MAP3K4: variants seen among roughly 807,000 people sequenced by gnomAD.
MAP3K4 encodes the protein mitogen-activated protein kinase kinase kinase 4.
Under a neutral mutation model 185.6 loss-of-function variants are expected in MAP3K4, and 67 were observed. The observed-to-expected ratio is 0.36, with a 90% confidence interval of 0.30 to 0.44. MAP3K4 has a LOEUF of 0.44. Among genes scored for constraint, MAP3K4 ranks in the 20% least tolerant of loss-of-function variants. The pLI is 1.00. For synonymous variants in MAP3K4, 702 were observed against 710.4 expected, an observed-to-expected ratio of 0.99 and a Z score of 0.19; for missense variants, 1,551 against 1,995.1, an observed-to-expected ratio of 0.78 and a Z score of 4.24.
intron 1 of MAP3K4, among the ~76,000 whole-genome samples, chr6:161,002,913 T>G (rs1044877991): frequency 3.3e-5 from 5 of 152,064 alleles, no homozygotes; most frequent in Non-Finnish European, 5.9e-5. Flanking sequence ...TTCTGTGTAT[T>G]TTTTTTATAC....
In MAP3K4 at chr6:161,049,636, A is replaced by G. The variant is rs754257637; in HGVS notation, c.1364A>G (p.Glu455Gly). ...ACAGAAGGAGAATTAAAGGAGTTGG[A>G]AAGTAGTACGGATGAGAGTGAAGAA... ...DDTEGELKEL[E>G]SSTDESEEEQ... Residue 455 changes from glutamate to glycine, a missense_variant, in exon 3 of 27, where the codon GAA (glutamate) becomes GGA (glycine). Transcript: ENST00000392142. This position sits in a 1 kb window ranked among gnomAD's most constrained non-coding sequence, Gnocchi z 8.4. 3 of 1,614,184 alleles carry G rather than the reference A, an allele frequency of 1.9e-6. No individual in the cohort carries two copies. The South Asian group carries it at 3.3e-5, about 18-fold the overall frequency.
At position 161,022,542 on chromosome 6, in the gene MAP3K4, A is replaced by G. The variant is rs1481117920; in HGVS notation, c.153-11717A>G. ...CTCTCTCATGCTATGCTCTCTCTCC[A>G]CCTGGAGGGACTTTGTCCCACAGGA... On this transcript the variant is annotated intron_variant, in intron 1 of 26. Coordinates refer to ENST00000392142, the MANE Select transcript of MAP3K4 (RefSeq NM_005922.4). The surrounding 1 kb of genome is among the most constrained non-coding windows in gnomAD (Gnocchi z 4.2). Among the ~76,000 whole-genome samples the G allele has an allele frequency of 2.0e-5, 3 of 152,162 alleles. No individual in the cohort carries two copies. The South Asian group carries it at 6.2e-4, about 31-fold the overall frequency.
rs1784015293 is a variant in MAP3K4, at chr6:161,051,819, A to G, written c.1707+1840A>G. Among the ~76,000 whole-genome samples, 2 of 152,154 alleles carry G rather than the reference A, an allele frequency of 1.3e-5. No individual in the cohort carries two copies. The highest frequency in any genetic ancestry group is 2.4e-5 in the African/African-American group (1 of 41,422). On this transcript the variant is annotated intron_variant, in intron 3 of 26. Coordinates refer to ENST00000392142, the MANE Select transcript of MAP3K4 (RefSeq NM_005922.4). This position sits in a 1 kb window ranked among gnomAD's most constrained non-coding sequence, Gnocchi z 4.2. ...CTAATACAATGTAAATGCTGTGTAAATAGTTGTTATACTGTATCTTTTTTG... is the reference window on the plus strand; with the variant it reads ...CTAATACAATGTAAATGCTGTGTAAGTAGTTGTTATACTGTATCTTTTTTG...
intron 1 of MAP3K4, among the ~76,000 whole-genome samples, chr6:161,015,319 A>T (rs978803706): frequency 6.6e-6 from 1 of 150,696 alleles, no homozygotes; most frequent in Non-Finnish European, 1.5e-5. Flanking sequence ...TGGTGGGGGG[A>T]GGGAGAGCAT....
In MAP3K4 at chr6:161,017,620, A is replaced by C. The variant is rs1453398558; in HGVS notation, c.153-16639A>C. On this transcript the variant is annotated intron_variant, in intron 1 of 26. Coordinates refer to ENST00000392142, the MANE Select transcript of MAP3K4 (RefSeq NM_005922.4). The surrounding 1 kb of genome is among the most constrained non-coding windows in gnomAD (Gnocchi z 5.1). ...CAAAGAGGTTAAATTTTCACAAAAT[A>C]AATGGGTTGAATTTGACTATCTGTA... is the stretch of plus-strand genomic sequence containing the variant. Among the ~76,000 whole-genome samples, 1 of 152,240 alleles carries C rather than the reference A, an allele frequency of 6.6e-6. No homozygotes were observed. Among genetic ancestry groups the C allele is most frequent in the Non-Finnish European group, 1.5e-5 (1 of 68,040 alleles).
Position 161,077,755 on chromosome 6 carries a change from C to T in MAP3K4, c.2098-3126C>T, listed in dbSNP as rs1785249607. ...GTTGGGAGTGACTGTGGGTGTCCAG[C>T]TCCTGCAGCTGTGTGAGTGGTGAAG... On this transcript the variant is annotated intron_variant, in intron 5 of 26. Transcript: ENST00000392142. This position sits in a 1 kb window ranked among gnomAD's most constrained non-coding sequence, Gnocchi z 4.3. Among the ~76,000 whole-genome samples, 1 of 152,190 alleles carries T rather than the reference C, an allele frequency of 6.6e-6. No individual in the cohort carries two copies. The highest frequency in any genetic ancestry group is 2.1e-4 in the South Asian group (1 of 4,832).
rs923918206 is a variant in MAP3K4, at chr6:161,049,382, A to G, written c.1110A>G (p.Ser370=). Residue 370 remains serine (S), a synonymous_variant, in exon 3 of 27, where the codon TCA becomes TCG. Coordinates refer to ENST00000392142, the MANE Select transcript of MAP3K4 (RefSeq NM_005922.4). This position sits in a 1 kb window ranked among gnomAD's most constrained non-coding sequence, Gnocchi z 8.4. ...LLEYIEALYP[S]LQALQKDYEK... ...AGTACATAGAAGCACTTTATCCATC[A>G]TTGCAGGCTCTTCAGAAGGACTATG... is the stretch of plus-strand genomic sequence containing the variant. 4 of 1,614,186 alleles carry G rather than the reference A, an allele frequency of 2.5e-6. No individual in the cohort carries two copies. Among genetic ancestry groups the G allele is most frequent in the East Asian group, 2.2e-5 (1 of 44,876 alleles).
chr6:161,031,219 C>T (rs994999850), intron 1 of MAP3K4, among the ~76,000 whole-genome samples: 7 of 152,050 alleles, frequency 4.6e-5, no homozygotes, highest in Non-Finnish European at 7.4e-5. Flanking sequence ...AAATGCAGAT[C>T]GGAAAACAAG....
chr6:161,069,117 TA>T (rs1246525218), intron 3 of MAP3K4, among the ~76,000 whole-genome samples: 1 of 152,206 alleles, frequency 6.6e-6, no homozygotes, highest in Non-Finnish European at 1.5e-5. Flanking sequence ...TGTTAAGAGG[TA>T]GTTGATGGCT....
rs566089752 is a variant in MAP3K4, at chr6:161,048,892, C to T, written c.620C>T (p.Ala207Val). The change falls in exon 3 of 27, where the codon GCC becomes GTC. Residue 207 changes from alanine to valine, a missense_variant. This residue lies in a region of MAP3K4 where 287 missense variants were observed against 268.8 expected (regional missense o/e 1.07). Coordinates refer to ENST00000392142, the MANE Select transcript of MAP3K4 (RefSeq NM_005922.4). This position sits in a 1 kb window ranked among gnomAD's most constrained non-coding sequence, Gnocchi z 4.7. ...CCAGTATCTGTGCCCATGCCTATAGCCAGACCTGCACGCCAGACTTCTAGG... is the reference window on the plus strand; with the variant it reads ...CCAGTATCTGTGCCCATGCCTATAGTCAGACCTGCACGCCAGACTTCTAGG... Reference protein sequence around the residue: ...KLPVSVPMPIARPARQTSRTD... With the variant: ...KLPVSVPMPIVRPARQTSRTD... 6.2e-7 allele frequency: 1 copy of T among 1,614,162 alleles called. No homozygotes were observed. The highest frequency in any genetic ancestry group is 1.1e-5 in the South Asian group (1 of 91,080).
rs1306911726 is a variant in MAP3K4 at position 161,101,980 on chromosome 6, G to A, written c.3763G>A (p.Glu1255Lys). 1 of 1,613,898 alleles carries A rather than the reference G, an allele frequency of 6.2e-7. No individual in the cohort carries two copies. The highest frequency in any genetic ancestry group is 8.5e-7 in the Non-Finnish European group (1 of 1,179,896). Residue 1255 changes from glutamate to lysine, a missense_variant, in exon 18 of 27, where the codon GAG becomes AAG. Glu to Lys is a moderately conservative substitution (Grantham distance 56). Coordinates refer to ENST00000392142, the MANE Select transcript of MAP3K4 (RefSeq NM_005922.4). This position sits in a 1 kb window ranked among gnomAD's most constrained non-coding sequence, Gnocchi z 5.1. ...CCTGAGTCGTCACTCAAGCCCCACG[G>A]AGGAGCGAGATGGTGAGTGTTTTAA... ...RSLSRHSSPT[E>K]ERDEPAYPRG...
In MAP3K4 at chr6:161,107,462, A is replaced by G. The variant is rs1310025023; in HGVS notation, c.4049-437A>G. 6.6e-6 allele frequency among the ~76,000 whole-genome samples: 1 copy of G among 152,150 alleles called. No individual in the cohort carries two copies. Among genetic ancestry groups the G allele is most frequent in the Non-Finnish European group, 1.5e-5 (1 of 68,032 alleles). On this transcript the variant is annotated intron_variant, in intron 20 of 26. Coordinates refer to ENST00000392142, the MANE Select transcript of MAP3K4 (RefSeq NM_005922.4). This position sits in a 1 kb window ranked among gnomAD's most constrained non-coding sequence, Gnocchi z 6.2. ...CTCTTGCTTTAATGTCCCAGAAGGT[A>G]TGTTAGGGGAATGTTTGCTCCCACA...
Position 161,093,175 on chromosome 6 carries a change from T to A in MAP3K4, c.3348+119T>A, listed in dbSNP as rs749703728. 43 of 655,134 alleles carry A rather than the reference T, an allele frequency of 6.6e-5. No individual in the cohort carries two copies. Among genetic ancestry groups the A allele is most frequent in the Admixed American group, 1.8e-4 (6 of 33,286 alleles). 40.6% of individuals were successfully genotyped at this position (655,134 alleles called of 1,614,324 possible). ...TTCATGAGATATTAATCTCAGCATA[T>A]CATGTAATGATAATGCTGAGAAATT... is the stretch of plus-strand genomic sequence containing the variant. On this transcript the variant is annotated intron_variant, in intron 14 of 26. Transcript: ENST00000392142. The surrounding 1 kb of genome is among the most constrained non-coding windows in gnomAD (Gnocchi z 5.2).
chr6:161,053,731 A>G lies in MAP3K4; in HGVS notation c.1707+3752A>G, dbSNP rs2114773802. Among the ~76,000 whole-genome samples, 1 of 152,222 alleles carries G rather than the reference A, an allele frequency of 6.6e-6. No homozygotes were observed. Among genetic ancestry groups the G allele is most frequent in the Admixed American group, 6.5e-5 (1 of 15,284 alleles). On this transcript the variant is annotated intron_variant, in intron 3 of 26. Transcript: ENST00000392142. This position sits in a 1 kb window ranked among gnomAD's most constrained non-coding sequence, Gnocchi z 4.2. Reference sequence around the variant, plus strand: ...CTCAGCCTCTTGAGTAGCTGGGATTACAAGCGTGCACCACCATGCCTGGCT... The same window carrying G: ...CTCAGCCTCTTGAGTAGCTGGGATTGCAAGCGTGCACCACCATGCCTGGCT...
chr6:160,991,825 G>C lies in MAP3K4; in HGVS notation c.-107G>C, dbSNP rs1002758621. 3.1e-5 allele frequency: 39 copies of C among 1,274,796 alleles called. No individual in the cohort carries two copies. The highest frequency in any genetic ancestry group is 3.8e-5 in the Non-Finnish European group (37 of 985,398). 79.0% of individuals were successfully genotyped at this position (1,274,796 alleles called of 1,614,324 possible). On this transcript the variant is annotated 5_prime_UTR_variant, in exon 1 of 27. Transcript: ENST00000392142. The surrounding 1 kb of genome is among the most constrained non-coding windows in gnomAD (Gnocchi z 5.7). ...CGGCGCGCACGGCTCCTGCGGCGGGGTAGAGGCGGAGGCGGAGTCGAGTCA... is the reference window on the plus strand; with the variant it reads ...CGGCGCGCACGGCTCCTGCGGCGGGCTAGAGGCGGAGGCGGAGTCGAGTCA...
At chr6:160,998,203 A>G (rs1031183970) in intron 1 of MAP3K4, among the ~76,000 whole-genome samples, 48 of 151,884 alleles carry the variant, frequency 3.2e-4, no homozygotes, top group African/African-American at 1.1e-3. Flanking sequence ...ATTTGTCCCT[A>G]TTTTTCTCCT....
In MAP3K4 at chr6:161,084,589, G is replaced by T; in HGVS notation, c.2344G>T (p.Asp782Tyr). Reference protein sequence around the residue: ...ESCAEFWTSADDSSASDEIRR... With the variant: ...ESCAEFWTSAYDSSASDEIRR... ...CTGTGCTGAATTTTGGACTAGTGCG[G>T]ATGACAGCAGTGCTTCCGACGAAAT... The change falls in exon 7 of 27, where the codon GAT becomes TAT. Residue 782 changes from aspartate (D) to tyrosine (Y), a missense_variant. Asp to Tyr is a radical substitution (Grantham distance 160). Coordinates refer to ENST00000392142, the MANE Select transcript of MAP3K4 (RefSeq NM_005922.4). This position sits in a 1 kb window ranked among gnomAD's most constrained non-coding sequence, Gnocchi z 4.6. The T allele has an allele frequency of 6.2e-7, 1 of 1,610,004 alleles. No homozygotes were observed. Among genetic ancestry groups the T allele is most frequent in the Admixed American group, 1.7e-5 (1 of 60,006 alleles).
At chr6:160,993,360 C>CT (rs1780830351) in intron 1 of MAP3K4, among the ~76,000 whole-genome samples, 1 of 151,930 alleles carries the variant, frequency 6.6e-6, no homozygotes, top group South Asian at 2.1e-4. Context: ...ATTTTGATAC[C>CT]TTTTTCTTTA....
At chr6:161,004,452 A>T (rs762327406) in intron 1 of MAP3K4, among the ~76,000 whole-genome samples, 7 of 152,212 alleles carry the variant, frequency 4.6e-5, no homozygotes, top group Non-Finnish European at 8.8e-5. Context: ...ACAACTCATC[A>T]ATAACAACAT....
Sources: allele counts gnomAD v4.1 joint callset (sites outside exome capture counted in the v4.1 genomes callset), GRCh38; gene constraint gnomAD v4.1.1; regional missense constraint gnomAD v4.1.1; non-coding constraint Gnocchi (gnomAD v3.1); transcripts MANE v1.5; gene names NCBI Gene and HGNC (gene_info 2026-07-23, HGNC 2026-07-21).